VPS13A: variants seen among roughly 807,000 people sequenced by gnomAD.
VPS13A encodes vacuolar protein sorting 13 homolog A, also known as intermembrane lipid transfer protein VPS13A.
In VPS13A, 264 loss-of-function variants were observed where a neutral mutation model predicts 390.9. The ratio of observed to expected loss-of-function variants is 0.68; its 90% CI spans 0.61 to 0.75. The LOEUF (loss-of-function observed/expected upper bound fraction) is 0.75, where lower values mean the gene tolerates loss of function less well. VPS13A is among the 30% of genes least tolerant of loss of function. The pLI, the probability that VPS13A is intolerant of heterozygous loss-of-function variation, is 0.00. For synonymous variants in VPS13A, 1,231 were observed against 1,227.1 expected (o/e 1.00, Z -0.07); for missense variants, 3,409 against 3,733.9 (o/e 0.91, Z 2.27).
intron 10 of VPS13A, among the ~76,000 whole-genome samples, chr9:77,219,000 A>G (rs1173483377): frequency 6.6e-6 from 1 of 152,162 alleles, no homozygotes; most frequent in South Asian, 2.1e-4. Flanking sequence ...TAAGGAGTCT[A>G]TGCAAAGGAA....
intron 62 of VPS13A, 51 bp from the exon 63 acceptor site, chr9:77,369,246 GAA>G (rs1163909176): frequency 7.1e-7 from 1 of 1,406,764 alleles, no homozygotes; most frequent in Non-Finnish European, 1.0e-6. Context: ...TAATGTATAA[GAA>G]AAAATAGATC....
At chr9:77,294,676 A>G (rs556031259) in intron 32 of VPS13A, among the ~76,000 whole-genome samples, 2 of 152,186 alleles carry the variant, frequency 1.3e-5, no homozygotes, top group Non-Finnish European at 2.9e-5. Flanking sequence ...AAATGTAAAG[A>G]TAAACAAGTA....
chr9:77,307,921 G>T (rs1277649231), intron 34 of VPS13A, 24 bp from the exon 35 acceptor site: 1 of 1,551,358 alleles, frequency 6.4e-7, no homozygotes, highest in Non-Finnish European at 8.8e-7. Context: ...GTGCTAAAAA[G>T]AACAAATCTT....
At position 77,382,078 on chromosome 9, in the gene VPS13A, A is replaced by G. The variant is rs150594816; in HGVS notation, c.9180A>G (p.Gln3060=). ...PYRLRDGTGN[Q]MLQVMENGRF... is the part of the protein sequence containing the mutation. Reference sequence around the variant, plus strand: ...GGTTGAGGGATGGGACTGGAAATCAAATGTTACAGGTAAATTAAGAGCTAT... The same window carrying G: ...GGTTGAGGGATGGGACTGGAAATCAGATGTTACAGGTAAATTAAGAGCTAT... The change falls in exon 68 of 72, where the codon CAA becomes CAG. Residue 3060 remains glutamine, a synonymous_variant. Transcript: ENST00000360280. 2.5e-6 allele frequency: 4 copies of G among 1,605,760 alleles called. No homozygotes were observed. In the African/African-American group the frequency reaches 4.0e-5, roughly 16 times the overall value.
intron 42 of VPS13A, 68 bp downstream of exon 42, chr9:77,319,741 G>T (rs939188218): frequency 1.1e-6 from 1 of 928,222 alleles, no homozygotes; most frequent in Non-Finnish European, 1.6e-6. Context: ...ATTTTTTTAA[G>T]AACAGATTTA....
chr9:77,302,178 G>T (rs995297614), intron 33 of VPS13A, among the ~76,000 whole-genome samples: 1 of 150,256 alleles, frequency 6.7e-6, no homozygotes, highest in African/African-American at 2.5e-5. Context: ...GGCTGATCTC[G>T]AACTCCTGAC....
intron 3 of VPS13A, 142 bp from the exon 4 acceptor site, chr9:77,205,171 G>T (rs1825564480): frequency 2.6e-6 from 1 of 385,928 alleles, no homozygotes; most frequent in South Asian, 9.0e-5. Context: ...TTGTAAAATA[G>T]CTTTCAATAA....
intron 44 of VPS13A, among the ~76,000 whole-genome samples, chr9:77,322,377 G>A (rs1475554251): frequency 6.6e-6 from 1 of 151,698 alleles, no homozygotes; most frequent in Admixed American, 6.6e-5. Context: ...TTGATACTCT[G>A]GCATTTAAGT....
chr9:77,237,178 G>A (rs548457111), intron 17 of VPS13A, among the ~76,000 whole-genome samples: 4 of 151,670 alleles, frequency 2.6e-5, no homozygotes, highest in African/African-American at 7.3e-5. Flanking sequence ...GTGAGCCACC[G>A]AGCCCAGCCT....
At chr9:77,280,271 G>A (rs750780309) in intron 27 of VPS13A, 33 bp downstream of exon 27, 5 of 1,511,612 alleles carry the variant, frequency 3.3e-6, no homozygotes, top group African/African-American at 1.4e-5. Context: ...GCTTAATATG[G>A]TAAGTATGCT....
At chr9:77,351,581 G>A in intron 53 of VPS13A, 135 bp downstream of exon 53, 3 of 1,136,596 alleles carry the variant, frequency 2.6e-6, no homozygotes, top group Non-Finnish European at 3.9e-6. Flanking sequence ...GATCAGCCTG[G>A]CCAATAAGGT....
chr9:77,411,660 CAAAAAAAAA>C (rs1169254413), intron 71 of VPS13A, among the ~76,000 whole-genome samples: 507 of 33,948 alleles, frequency 0.015, 16 homozygotes, highest in African/African-American at 0.056. Flanking sequence ...AACTCCATCT[CAAAAAAAAA>C]AAAAAAAAAA....
At chr9:77,321,441 C>A in intron 43 of VPS13A, 50 bp from the exon 44 acceptor site, 1 of 1,605,288 alleles carries the variant, frequency 6.2e-7, no homozygotes, top group Non-Finnish European at 8.5e-7. Context: ...TTCTCCTTGT[C>A]ATTTAATTTT....
chr9:77,383,687 T>C (rs1338754206), intron 68 of VPS13A, among the ~76,000 whole-genome samples: 2 of 151,998 alleles, frequency 1.3e-5, no homozygotes, highest in Non-Finnish European at 2.9e-5. Context: ...TTCTGAAGCT[T>C]TAAACTTTGA....
At chr9:77,398,362 C>G (rs1230682046) in intron 68 of VPS13A, among the ~76,000 whole-genome samples, 1 of 151,972 alleles carries the variant, frequency 6.6e-6, no homozygotes, top group Non-Finnish European at 1.5e-5. Flanking sequence ...GCAACTAACC[C>G]CAAGCAAGTC....
Position 77,407,620 on chromosome 9 carries a change from A to C in VPS13A, c.9474+13A>C. The C allele has an allele frequency of 6.3e-7, 1 of 1,585,122 alleles. No individual in the cohort carries two copies. The highest frequency in any genetic ancestry group is 8.7e-7 in the Non-Finnish European group (1 of 1,154,528). Reference sequence around the variant, plus strand: ...AGAGGATGCCAGGGTAAATATAATAAATCTTTTATTTAAATAGGAGCTGCT... The same window carrying C: ...AGAGGATGCCAGGGTAAATATAATACATCTTTTATTTAAATAGGAGCTGCT... On this transcript the variant is annotated intron_variant, in intron 71 of 71. Coordinates refer to ENST00000360280, the MANE Select transcript of VPS13A (RefSeq NM_033305.3).
chr9:77,218,206 C>T (rs1012902995), intron 10 of VPS13A, among the ~76,000 whole-genome samples: 4 of 150,002 alleles, frequency 2.7e-5, no homozygotes, highest in Middle Eastern at 3.6e-3. Context: ...CTCCACCTCA[C>T]GGGTTCATGC....
At chr9:77,382,136 A>T (rs199962801) in intron 68 of VPS13A, 49 bp downstream of exon 68, 323 of 1,497,112 alleles carry the variant, frequency 2.2e-4, no homozygotes, top group Middle Eastern at 7.1e-4. Context: ...GTCAAGTTAG[A>T]TTTTTTTTAA....
chr9:77,338,636 T>C (rs1388685054), intron 47 of VPS13A: 1 of 152,194 alleles, frequency 6.6e-6, no homozygotes, highest in East Asian at 1.9e-4. Flanking sequence ...ACCATTGTTA[T>C]TTTGTGGAAT....
Sources: gnomAD v4.1 joint callset for allele counts (sites outside exome capture counted in the v4.1 genomes callset) on GRCh38, gnomAD v4.1.1 for gene constraint, MANE v1.5 for transcripts, NCBI Gene and HGNC (gene_info 2026-07-23, HGNC 2026-07-21) for gene names.